The following ELMO1 variants were observed in gnomAD, a reference collection of about 807,000 sequenced individuals.
ELMO1 encodes the protein engulfment and cell motility 1, also known as engulfment and cell motility protein 1.
A neutral mutation model predicts 98.9 loss-of-function variants in ELMO1; 26 were observed. The observed-to-expected ratio is 0.26, with a 90% CI of 0.19 to 0.36. The LOEUF (loss-of-function observed/expected upper bound fraction) is 0.36. Among genes scored for constraint, ELMO1 ranks in the 10% least tolerant of loss-of-function variants. The probability of loss-of-function intolerance (pLI) is 1.00; values close to 1 mark genes in which losing one functional copy is unlikely to be tolerated. For missense variants in ELMO1, 627 were observed against 935.2 expected (o/e 0.67, Z 4.30); for synonymous variants, 346 against 346.0 (o/e 1.00, Z 0.00).
At chr7:37,109,978 G>A (rs966885813) in intron 14 of ELMO1, among the ~76,000 whole-genome samples, 3 of 152,178 alleles carry the variant, frequency 2.0e-5, no homozygotes, top group African/African-American at 7.2e-5. Flanking sequence ...ATGAACGCTC[G>A]TGGTTTTTAC....
At chr7:37,439,982 T>G (rs926662388) in intron 1 of ELMO1, among the ~76,000 whole-genome samples, 21 of 149,000 alleles carry the variant, frequency 1.4e-4, no homozygotes, top group African/African-American at 2.9e-4. Context: ...GCTGCATGGG[T>G]GTGTGTGTGT....
At chr7:37,030,449 A>ATTCTC (rs10689089) in intron 15 of ELMO1, among the ~76,000 whole-genome samples, 43,585 of 151,700 alleles carry the variant, frequency 0.29, 8,513 homozygotes, top group African/African-American at 0.56. Flanking sequence ...TTACTATTCT[A>ATTCTC]CAACACATAG....
At chr7:37,139,864 T>C (rs1162381836) in intron 13 of ELMO1, among the ~76,000 whole-genome samples, 3 of 152,046 alleles carry the variant, frequency 2.0e-5, no homozygotes, top group African/African-American at 7.2e-5. Context: ...GGTTTAAAAA[T>C]AGGCACATAG....
chr7:37,210,378 G>A (rs1375195102), intron 13 of ELMO1, among the ~76,000 whole-genome samples: 1 of 151,916 alleles, frequency 6.6e-6, no homozygotes, highest in Non-Finnish European at 1.5e-5. Context: ...ACAGTAATAT[G>A]AAAACATTTT....
intron 15 of ELMO1, among the ~76,000 whole-genome samples, chr7:37,040,459 A>G (rs1224018241): frequency 2.6e-5 from 4 of 152,174 alleles, no homozygotes; most frequent in African/African-American, 9.7e-5. Flanking sequence ...AAAAACATTA[A>G]CTGATACAGG....
chr7:37,412,642 C>T (rs767620255), intron 1 of ELMO1, among the ~76,000 whole-genome samples: 10 of 152,148 alleles, frequency 6.6e-5, no homozygotes, highest in Non-Finnish European at 1.5e-4. Context: ...TTGGATGCTC[C>T]TCCCCTTAAA....
intron 15 of ELMO1, among the ~76,000 whole-genome samples, chr7:37,055,100 G>T (rs757635375): frequency 1.3e-5 from 2 of 152,132 alleles, no homozygotes; most frequent in African/African-American, 4.8e-5. Context: ...GTCAAAAAGC[G>T]GTTGTGACTC....
intron 13 of ELMO1, among the ~76,000 whole-genome samples, chr7:37,143,917 G>C (rs756333339): frequency 2.0e-5 from 3 of 151,686 alleles, no homozygotes; most frequent in Non-Finnish European, 4.4e-5. Flanking sequence ...CCTCATGTTG[G>C]CCAGGCTGGT....
At chr7:37,347,982 C>T (rs1801090736) in intron 1 of ELMO1, among the ~76,000 whole-genome samples, 1 of 152,190 alleles carries the variant, frequency 6.6e-6, no homozygotes. Flanking sequence ...CCCAGCATAA[C>T]TCTGGGGTTA....
At chr7:36,927,391 CAG>C (rs1327704030) in intron 16 of ELMO1, among the ~76,000 whole-genome samples, 1 of 152,202 alleles carries the variant, frequency 6.6e-6, no homozygotes, top group Admixed American at 6.5e-5. Flanking sequence ...TGTTGGGCGA[CAG>C]AACACTTTTA....
At chr7:37,167,058 C>G (rs1190569527) in intron 13 of ELMO1, among the ~76,000 whole-genome samples, 1 of 152,106 alleles carries the variant, frequency 6.6e-6, no homozygotes, top group African/African-American at 2.4e-5. Context: ...ATAGTTAGCT[C>G]TTCTTGTTGA....
intron 15 of ELMO1, among the ~76,000 whole-genome samples, chr7:37,074,165 A>G (rs1354276972): frequency 6.7e-6 from 1 of 148,236 alleles, no homozygotes; most frequent in Non-Finnish European, 1.5e-5. Context: ...TTATGTATAT[A>G]TGTAAATACA....
chr7:36,910,574 C>T (rs1460822260), intron 16 of ELMO1, among the ~76,000 whole-genome samples: 1 of 152,224 alleles, frequency 6.6e-6, no homozygotes, highest in East Asian at 1.9e-4. Context: ...TCAGGCAGAA[C>T]TGATTCCAAA....
At chr7:37,261,613 CT>C (rs938257883) in intron 5 of ELMO1, among the ~76,000 whole-genome samples, 9 of 147,292 alleles carry the variant, frequency 6.1e-5, no homozygotes, top group Admixed American at 1.3e-4. Flanking sequence ...TTCTTTCTTT[CT>C]TTTTTTTTTA....
chr7:37,269,213 T>C (rs1306983710), intron 5 of ELMO1, among the ~76,000 whole-genome samples: 1 of 152,246 alleles, frequency 6.6e-6, no homozygotes, highest in East Asian at 1.9e-4. Flanking sequence ...TTCTGGCTTA[T>C]AGAGTAACTT....
intron 1 of ELMO1, among the ~76,000 whole-genome samples, chr7:37,417,976 G>A (rs551516417): frequency 2.0e-5 from 3 of 152,182 alleles, no homozygotes; most frequent in Non-Finnish European, 4.4e-5. Flanking sequence ...AAGGGGCAAG[G>A]AAAGACCCTC....
intron 13 of ELMO1, among the ~76,000 whole-genome samples, chr7:37,196,697 C>T (rs2130249634): frequency 6.6e-6 from 1 of 152,328 alleles, no homozygotes; most frequent in African/African-American, 2.4e-5. Flanking sequence ...GACTAAACAA[C>T]TTGAAAACAA....
intron 1 of ELMO1, among the ~76,000 whole-genome samples, chr7:37,426,142 CTTTTTTTTTTTT>C (rs36086006): frequency 2.4e-5 from 2 of 84,594 alleles, no homozygotes; most frequent in African/African-American, 4.9e-5. Context: ...TTTTTTCTTT[CTTTTTTTTTTTT>C]TTTTTTTTTT....
chr7:37,341,968 A>G (rs375234339), intron 2 of ELMO1, among the ~76,000 whole-genome samples: 1 of 152,214 alleles, frequency 6.6e-6, no homozygotes, highest in African/African-American at 2.4e-5. Flanking sequence ...ACACCATACA[A>G]TTCTCAAGAT....
Sources: allele counts gnomAD v4.1 joint callset (sites outside exome capture counted in the v4.1 genomes callset), GRCh38; gene constraint gnomAD v4.1.1; transcripts MANE v1.5; gene names NCBI Gene and HGNC (gene_info 2026-07-23, HGNC 2026-07-21).